VPS13B: variants seen among roughly 807,000 people sequenced by gnomAD.
VPS13B encodes the protein vacuolar protein sorting 13 homolog B, also known as intermembrane lipid transfer protein VPS13B.
A neutral mutation model predicts 426.4 loss-of-function variants in VPS13B; 285 were observed. The observed-to-expected ratio is 0.67, with a 90% confidence interval of 0.61 to 0.74. The LOEUF is 0.74. Among genes scored for constraint, VPS13B ranks in the 30% least tolerant of loss-of-function variants. The pLI is 0.00. For synonymous variants in VPS13B, 1,676 were observed against 1,676.4 expected (o/e 1.00, Z 0.01); for missense variants, 4,537 against 4,782.6 (o/e 0.95, Z 1.51).
chr8:99,252,813 T>TA (rs933671834), intron 17 of VPS13B, among the ~76,000 whole-genome samples: 21 of 151,710 alleles, frequency 1.4e-4, no homozygotes, highest in African/African-American at 3.4e-4. Flanking sequence ...CCAGTTTTTT[T>TA]AAAAAAAAAT....
At chr8:99,828,093 TC>T (rs1814801537) in intron 51 of VPS13B, among the ~76,000 whole-genome samples, 1 of 152,086 alleles carries the variant, frequency 6.6e-6, no homozygotes, top group African/African-American at 2.4e-5. Context: ...TATTAGGTCC[TC>T]TTGGTCCAGA....
At chr8:99,643,141 C>A (rs554841620) in intron 34 of VPS13B, among the ~76,000 whole-genome samples, 51 of 152,194 alleles carry the variant, frequency 3.4e-4, no homozygotes, top group African/African-American at 1.1e-3. Flanking sequence ...TTAAGACATA[C>A]AAGTTATTAA....
chr8:99,739,824 G>GAAAA (rs1809598416), intron 39 of VPS13B, among the ~76,000 whole-genome samples: 1 of 152,104 alleles, frequency 6.6e-6, no homozygotes, highest in Non-Finnish European at 1.5e-5. Flanking sequence ...CCATCTGTAC[G>GAAAA]TCACCAAAAT....
chr8:99,676,898 C>T (rs1442459452), intron 35 of VPS13B, among the ~76,000 whole-genome samples: 5 of 151,886 alleles, frequency 3.3e-5, no homozygotes, highest in East Asian at 1.9e-4. Flanking sequence ...GGGAGGCTGC[C>T]GTGGGTGGAT....
intron 54 of VPS13B, 143 bp downstream of exon 54, chr8:99,835,881 G>T: frequency 1.2e-6 from 1 of 842,308 alleles, no homozygotes. Flanking sequence ...CCATTTTTAC[G>T]TCCTCATTAA....
intron 54 of VPS13B, among the ~76,000 whole-genome samples, chr8:99,846,360 C>T (rs1050271197): frequency 6.6e-6 from 1 of 152,216 alleles, no homozygotes; most frequent in Non-Finnish European, 1.5e-5. Flanking sequence ...AGGATTGCAT[C>T]TTCTCTGTGC....
At chr8:99,138,143 A>T (rs12549438) in intron 12 of VPS13B, among the ~76,000 whole-genome samples, 40,090 of 151,742 alleles carry the variant, frequency 0.26, 5,986 homozygotes, top group East Asian at 0.43. Flanking sequence ...ATATATATAT[A>T]TTTTTTGAGA....
intron 39 of VPS13B, among the ~76,000 whole-genome samples, chr8:99,759,288 A>T (rs1003612260): frequency 1.3e-5 from 2 of 152,078 alleles, no homozygotes; most frequent in African/African-American, 4.8e-5. Context: ...CAGCATCTTA[A>T]GCTCCCTCAC....
chr8:99,280,527 G>A (rs1819120420), intron 19 of VPS13B, among the ~76,000 whole-genome samples: 1 of 152,180 alleles, frequency 6.6e-6, no homozygotes, highest in South Asian at 2.1e-4. Flanking sequence ...TTTGTTGAAT[G>A]AATGAATAAA....
At chr8:99,624,509 A>G (rs1379002409) in intron 33 of VPS13B, among the ~76,000 whole-genome samples, 1 of 152,172 alleles carries the variant, frequency 6.6e-6, no homozygotes, top group African/African-American at 2.4e-5. Flanking sequence ...CCTGCTATTT[A>G]TAAAATGTGT....
chr8:99,779,074 T>A, intron 42 of VPS13B, 43 bp downstream of exon 42: 1 of 1,550,266 alleles, frequency 6.5e-7, no homozygotes, highest in Non-Finnish European at 8.9e-7. Flanking sequence ...CCACATATGA[T>A]CTTTTATTAG....
At chr8:99,375,736 G>A (rs1186789503) in intron 19 of VPS13B, among the ~76,000 whole-genome samples, 1 of 152,122 alleles carries the variant, frequency 6.6e-6, no homozygotes, top group African/African-American at 2.4e-5. Flanking sequence ...TAAAAAATTA[G>A]AGTAGCACAT....
intron 3 of VPS13B, among the ~76,000 whole-genome samples, chr8:99,046,636 T>C (rs1379511506): frequency 6.6e-6 from 1 of 152,146 alleles, no homozygotes; most frequent in Non-Finnish European, 1.5e-5. Context: ...CCTAAAAGAA[T>C]GCTTTCAACT....
At chr8:99,043,210 T>C (rs965824507) in intron 3 of VPS13B, among the ~76,000 whole-genome samples, 3 of 152,178 alleles carry the variant, frequency 2.0e-5, no homozygotes, top group Non-Finnish European at 4.4e-5. Flanking sequence ...TGGATGGTCA[T>C]TTGATCTGGC....
intron 19 of VPS13B, among the ~76,000 whole-genome samples, chr8:99,304,079 A>G (rs1158224122): frequency 1.3e-5 from 2 of 152,162 alleles, no homozygotes; most frequent in African/African-American, 4.8e-5. Context: ...TTTTGTGATC[A>G]TGGGCTAGTT....
At chr8:99,769,133 A>C (rs999417396) in intron 40 of VPS13B, among the ~76,000 whole-genome samples, 7 of 152,214 alleles carry the variant, frequency 4.6e-5, no homozygotes, top group African/African-American at 1.7e-4. Context: ...TTTTTCACCA[A>C]GCATCTGACA....
chr8:99,490,028 T>C (rs1291283982), intron 25 of VPS13B, among the ~76,000 whole-genome samples: 1 of 152,188 alleles, frequency 6.6e-6, no homozygotes, highest in African/African-American at 2.4e-5. Flanking sequence ...CAATATGATA[T>C]TGGCTGTGGG....
chr8:99,684,140 A>C (rs1050495536), intron 35 of VPS13B, among the ~76,000 whole-genome samples: 3 of 152,242 alleles, frequency 2.0e-5, no homozygotes, highest in Non-Finnish European at 4.4e-5. Context: ...CAAGGCTTAT[A>C]GTCCTAGGAC....
At chr8:99,278,769 G>C (rs1249035795) in intron 19 of VPS13B, among the ~76,000 whole-genome samples, 1 of 152,198 alleles carries the variant, frequency 6.6e-6, no homozygotes, top group Non-Finnish European at 1.5e-5. Flanking sequence ...GAGCCACACT[G>C]TCATGATCTT....
Sources: allele counts gnomAD v4.1 joint callset (sites outside exome capture counted in the v4.1 genomes callset), GRCh38; gene constraint gnomAD v4.1.1; transcripts MANE v1.5; gene names NCBI Gene and HGNC (gene_info 2026-07-23, HGNC 2026-07-21).